Variants in COL9A1 observed in about 807,000 individuals in gnomAD.
COL9A1 encodes collagen type IX alpha 1 chain, also known as collagen alpha-1(IX) chain.
A neutral mutation model predicts 142.6 loss-of-function variants in COL9A1; 104 were observed. The observed-to-expected ratio is 0.73, with a 90% confidence interval of 0.62 to 0.86. The LOEUF is 0.86. Among genes scored for constraint, COL9A1 ranks in the 40% least tolerant of loss-of-function variants. The pLI, the probability that COL9A1 is intolerant of heterozygous loss-of-function variation, is 0.00. For missense variants in COL9A1, 1,210 were observed against 1,176.6 expected, an observed-to-expected ratio of 1.03 and a Z score of -0.42; for synonymous variants, 466 against 396.0, an observed-to-expected ratio of 1.18 and a Z score of -2.10.
intron 37 of COL9A1, among the ~76,000 whole-genome samples, chr6:70,225,533 T>C (rs1583205477): frequency 6.6e-6 from 1 of 152,156 alleles, no homozygotes; most frequent in East Asian, 1.9e-4. Flanking sequence ...CAGTTACTCC[T>C]TGTGCAAGAG....
At position 70,216,877 on chromosome 6, in the gene COL9A1, G is replaced by C; in HGVS notation, c.*20C>G. On this transcript the variant is annotated 3_prime_UTR_variant, in exon 38 of 38. Transcript: ENST00000357250. ...TCACCAGGCGTGGTTCATGCAGACA[G>C]CCATGCAGCAGTAAGCCTTTCAAGG... 6.2e-7 allele frequency: 1 copy of C among 1,613,368 alleles called. No individual in the cohort carries two copies. The highest frequency in any genetic ancestry group is 8.5e-7 in the Non-Finnish European group (1 of 1,179,858).
chr6:70,251,454 G>A (rs922792099), intron 28 of COL9A1, among the ~76,000 whole-genome samples: 6 of 152,348 alleles, frequency 3.9e-5, no homozygotes, highest in African/African-American at 1.4e-4. Context: ...GGCTTAGGCA[G>A]GAGGACTGCA....
At chr6:70,265,213 T>G (rs757551054) in intron 18 of COL9A1, among the ~76,000 whole-genome samples, 2 of 152,134 alleles carry the variant, frequency 1.3e-5, no homozygotes, top group Non-Finnish European at 2.9e-5. Context: ...TTAAAAAGAC[T>G]ACTTTCATGG....
Position 70,232,652 on chromosome 6 carries a change from G to A in COL9A1, c.2434C>T (p.Gln812Ter). ...GPPGENGFPG[Q>*]MGIRGLPGIK... ...CCCGGAAGGCCACGAATTCCCATCTGGCCTGGGAAACCATTCTCTCCAGGA... is the reference window on the plus strand; with the variant it reads ...CCCGGAAGGCCACGAATTCCCATCTAGCCTGGGAAACCATTCTCTCCAGGA... The change falls in exon 36 of 38, where the codon CAG (glutamine) becomes TAG (stop). Residue 812 changes from glutamine to a stop codon, truncating the protein, a stop_gained. Transcript: ENST00000357250. LOFTEE classifies it high-confidence loss of function. 6.2e-7 allele frequency: 1 copy of A among 1,614,066 alleles called. No homozygotes were observed. The highest frequency in any genetic ancestry group is 8.5e-7 in the Non-Finnish European group (1 of 1,180,024).
At chr6:70,302,170 G>A (rs985019388) in intron 1 of COL9A1, 96 bp from the exon 2 acceptor site, 1 of 742,316 alleles carries the variant, frequency 1.3e-6, no homozygotes, top group Non-Finnish European at 2.4e-6. Context: ...TTAATGTAAG[G>A]TGATCAAATC....
At chr6:70,276,437 AGATT>A (rs1176217404) in intron 10 of COL9A1, among the ~76,000 whole-genome samples, 1 of 152,214 alleles carries the variant, frequency 6.6e-6, no homozygotes, top group East Asian at 1.9e-4. Flanking sequence ...ATAACTGACA[AGATT>A]GGAGGACAGT....
chr6:70,268,774 C>G, intron 17 of COL9A1, 30 bp downstream of exon 17: 1 of 1,600,192 alleles, frequency 6.2e-7, no homozygotes, highest in Non-Finnish European at 8.6e-7. Flanking sequence ...GTGGATAATA[C>G]TCTTAAAATA....
chr6:70,249,065 C>T (rs1304590914), intron 28 of COL9A1, among the ~76,000 whole-genome samples: 1 of 151,822 alleles, frequency 6.6e-6, no homozygotes, highest in Non-Finnish European at 1.5e-5. Flanking sequence ...AGCATGGAGT[C>T]CAGCCTGACT....
intron 4 of COL9A1, 23 bp downstream of exon 4, chr6:70,300,020 T>C (rs775811089): frequency 2.5e-6 from 4 of 1,609,730 alleles, no homozygotes; most frequent in Non-Finnish European, 3.4e-6. Context: ...GATAATTAGA[T>C]TAAAATATTT....
chr6:70,218,959 C>A (rs987773073), intron 37 of COL9A1, among the ~76,000 whole-genome samples: 2 of 152,272 alleles, frequency 1.3e-5, no homozygotes, highest in Middle Eastern at 3.4e-3. Flanking sequence ...ATCCCATATA[C>A]TTTCATTCAA....
chr6:70,230,432 A>T (rs1769472744), intron 36 of COL9A1, among the ~76,000 whole-genome samples: 1 of 152,176 alleles, frequency 6.6e-6, no homozygotes, highest in African/African-American at 2.4e-5. Context: ...GGGAGAAAAA[A>T]AATCCTTTGG....
At chr6:70,271,949 A>G (rs1772428208) in intron 13 of COL9A1, 116 bp downstream of exon 13, 3 of 1,082,608 alleles carry the variant, frequency 2.8e-6, no homozygotes, top group Non-Finnish European at 4.2e-6. Flanking sequence ...AAGATCTTGC[A>G]GGTAGAACAC....
At position 70,300,176 on chromosome 6, in the gene COL9A1, C is replaced by G. The variant is rs772765118; in HGVS notation, c.167-1G>C. ...TGGAACTGAGAGATCAGATCAAACCCTATAGAATGGGAATACAAAATGAAA... is the reference window on the plus strand; with the variant it reads ...TGGAACTGAGAGATCAGATCAAACCGTATAGAATGGGAATACAAAATGAAA... On this transcript the variant is annotated splice_acceptor_variant, in intron 3 of 37. Transcript: ENST00000357250. LOFTEE classifies it high-confidence loss of function. 1 of 1,613,714 alleles carries G rather than the reference C, an allele frequency of 6.2e-7. No homozygotes were observed. The highest frequency in any genetic ancestry group is 1.1e-5 in the South Asian group (1 of 91,072).
chr6:70,252,324 A>G lies in COL9A1; in HGVS notation c.1765-9T>C. On this transcript the variant is annotated splice_polypyrimidine_tract_variant and intron_variant, in intron 26 of 37. Transcript: ENST00000357250. ...GGAGCACCTGTGCTACCCTAAGGGT[A>G]AAATGCAACATCCAAAATAACTCAT... is the stretch of plus-strand genomic sequence containing the variant. 6.2e-7 allele frequency: 1 copy of G among 1,613,634 alleles called. No homozygotes were observed. The highest frequency in any genetic ancestry group is 8.5e-7 in the Non-Finnish European group (1 of 1,179,508).
At chr6:70,270,457 T>C in intron 14 of COL9A1, 90 bp from the exon 15 acceptor site, 1 of 1,243,482 alleles carries the variant, frequency 8.0e-7, no homozygotes, top group Non-Finnish European at 1.1e-6. Flanking sequence ...ATGGTATTAC[T>C]GGAAACCCCC....
In COL9A1 at chr6:70,232,390, G is replaced by A. The variant is rs565860024; in HGVS notation, c.2503+193C>T. Among the ~76,000 whole-genome samples, 3 of 152,320 alleles carry A rather than the reference G, an allele frequency of 2.0e-5. No individual in the cohort carries two copies. In the East Asian group the frequency reaches 5.8e-4, roughly 29 times the overall value. The stretch of plus-strand genomic sequence containing the variant: ...TAATTCTAGTATTTGGTCTACTGTT[G>A]TGGTAGAGCAGGGTCAAGGGAATAT... On this transcript the variant is annotated intron_variant, in intron 36 of 37. Coordinates refer to ENST00000357250, the MANE Select transcript of COL9A1 (RefSeq NM_001851.6).
At chr6:70,282,810 G>A in intron 7 of COL9A1, 88 bp downstream of exon 7, 1 of 1,594,826 alleles carries the variant, frequency 6.3e-7, no homozygotes, top group East Asian at 2.2e-5. Flanking sequence ...GATGCTCCGC[G>A]CCTTTCTCAC....
intron 32 of COL9A1, among the ~76,000 whole-genome samples, chr6:70,239,801 T>C (rs905991455): frequency 6.6e-6 from 1 of 152,332 alleles, no homozygotes; most frequent in African/African-American, 2.4e-5. Context: ...CATGTTGGCA[T>C]ATCAGCTTAC....
chr6:70,239,036 G>T (rs1167410641), intron 33 of COL9A1, among the ~76,000 whole-genome samples: 1 of 152,176 alleles, frequency 6.6e-6, no homozygotes, highest in East Asian at 1.9e-4. Context: ...CTACTTGGGA[G>T]GCTAAGGCAG....
Sources: gnomAD v4.1 joint callset for allele counts (sites outside exome capture counted in the v4.1 genomes callset) on GRCh38, gnomAD v4.1.1 for gene constraint, MANE v1.5 for transcripts, NCBI Gene and HGNC (gene_info 2026-07-23, HGNC 2026-07-21) for gene names.